BMPR1B: variants seen among roughly 807,000 people sequenced by gnomAD.
The protein encoded by BMPR1B is bone morphogenetic protein receptor type 1B.
BMPR1B carries 12 observed loss-of-function variants against 59.1 expected under a neutral mutation model. The observed-to-expected ratio is 0.20, with a 90% CI of 0.13 to 0.33. BMPR1B has a LOEUF of 0.33. Ranked by LOEUF, BMPR1B falls within the 10% of genes least tolerant of loss-of-function variation. The probability of loss-of-function intolerance (pLI) is 1.00; values close to 1 mark genes in which losing one functional copy is unlikely to be tolerated. For missense variants in BMPR1B, 550 were observed against 610.9 expected, an observed-to-expected ratio of 0.90 and a Z score of 1.05; for synonymous variants, 237 against 207.3, an observed-to-expected ratio of 1.14 and a Z score of -1.23.
intron 3 of BMPR1B, among the ~76,000 whole-genome samples, chr4:95,068,191 G>A (rs537928115): frequency 1.0e-3 from 122 of 118,992 alleles, no homozygotes; most frequent in African/African-American, 3.2e-3. Flanking sequence ...GTGTAGATCC[G>A]TGGCTGGCTC....
At chr4:94,777,845 A>T (rs957776078) in intron 1 of BMPR1B, among the ~76,000 whole-genome samples, 2 of 151,852 alleles carry the variant, frequency 1.3e-5, no homozygotes, top group Non-Finnish European at 2.9e-5. Flanking sequence ...GGCCAACATG[A>T]TGAAACCCTG....
chr4:94,809,741 T>G lies in BMPR1B; in HGVS notation c.-183+51673T>G, dbSNP rs7658799. On this transcript the variant is annotated intron_variant, in intron 1 of 12. Transcript: ENST00000515059. ...AAACAATGGACAAGAATTTGAAGGA[T>G]TCAGCATACCAGTTAGCTTTCTACA... 7.5e-3 allele frequency among the ~76,000 whole-genome samples: 1,137 copies of G among 152,350 alleles called. 17 individuals are homozygous for G. The highest frequency in any genetic ancestry group is 0.026 in the African/African-American group (1,089 of 41,586).
chr4:94,837,921 G>T (rs1224652125), intron 1 of BMPR1B, among the ~76,000 whole-genome samples: 1 of 133,394 alleles, frequency 7.5e-6, no homozygotes, highest in Non-Finnish European at 1.6e-5. Flanking sequence ...TTATTATTTT[G>T]AAATATGTCC....
chr4:94,855,503 A>G (rs1725722518), intron 1 of BMPR1B, among the ~76,000 whole-genome samples: 1 of 152,214 alleles, frequency 6.6e-6, no homozygotes, highest in Admixed American at 6.5e-5. Context: ...ACCTTCAGAA[A>G]AGCTCTTCCC....
chr4:95,035,458 C>T (rs754532233), intron 3 of BMPR1B, among the ~76,000 whole-genome samples: 3 of 151,918 alleles, frequency 2.0e-5, no homozygotes, highest in African/African-American at 4.8e-5. Flanking sequence ...TTTTTGTGTA[C>T]GATGAGAGGT....
intron 1 of BMPR1B, among the ~76,000 whole-genome samples, chr4:94,798,677 G>A (rs1723283785): frequency 6.6e-6 from 1 of 152,164 alleles, no homozygotes; most frequent in Non-Finnish European, 1.5e-5. Context: ...GGTGACATCT[G>A]CCAGTCAGGC....
chr4:95,009,340 A>G (rs1221433244), intron 3 of BMPR1B, among the ~76,000 whole-genome samples: 1 of 152,208 alleles, frequency 6.6e-6, no homozygotes, highest in African/African-American at 2.4e-5. Context: ...AGTAGTATAC[A>G]TAGTAGGGAA....
intron 2 of BMPR1B, among the ~76,000 whole-genome samples, chr4:94,911,780 T>C (rs1728282490): frequency 6.6e-6 from 1 of 152,144 alleles, no homozygotes; most frequent in Non-Finnish European, 1.5e-5. Context: ...TTGTTAGTAA[T>C]GGTGGCTCCC....
intron 3 of BMPR1B, among the ~76,000 whole-genome samples, chr4:95,064,823 A>G (rs1028458510): frequency 2.0e-5 from 3 of 152,186 alleles, no homozygotes; most frequent in African/African-American, 7.2e-5. Context: ...TCAAAAACAC[A>G]ATATACCACT....
chr4:95,024,228 T>G (rs1724196685), intron 3 of BMPR1B, among the ~76,000 whole-genome samples: 1 of 152,220 alleles, frequency 6.6e-6, no homozygotes, highest in South Asian at 2.1e-4. Flanking sequence ...ATTAAAGAAG[T>G]GACTTTAACT....
At chr4:94,831,311 A>G (rs1352315614) in intron 1 of BMPR1B, among the ~76,000 whole-genome samples, 6 of 147,820 alleles carry the variant, frequency 4.1e-5, no homozygotes, top group Admixed American at 4.0e-4. Context: ...ATAGCTGTAC[A>G]ATGTGTTTGT....
intron 3 of BMPR1B, among the ~76,000 whole-genome samples, chr4:95,076,124 C>T (rs1354396669): frequency 1.3e-5 from 2 of 152,028 alleles, no homozygotes; most frequent in Non-Finnish European, 2.9e-5. Flanking sequence ...CCCAAGAGTC[C>T]TAACTTGACT....
At chr4:95,044,776 G>A (rs1444146053) in intron 3 of BMPR1B, among the ~76,000 whole-genome samples, 3 of 152,162 alleles carry the variant, frequency 2.0e-5, no homozygotes, top group Non-Finnish European at 4.4e-5. Context: ...AGAACGGGGT[G>A]GGGAGGCAGG....
intron 2 of BMPR1B, among the ~76,000 whole-genome samples, chr4:94,968,720 C>T (rs1436947873): frequency 6.6e-6 from 1 of 152,246 alleles, no homozygotes; most frequent in East Asian, 1.9e-4. Context: ...CATACTGACT[C>T]AATGAGAATT....
chr4:94,868,435 T>C (rs1726343555), intron 1 of BMPR1B, among the ~76,000 whole-genome samples: 1 of 152,202 alleles, frequency 6.6e-6, no homozygotes, highest in Admixed American at 6.5e-5. Context: ...CCTCCCAAAG[T>C]GCTGAGATTA....
At chr4:94,987,697 T>G (rs374924962) in intron 2 of BMPR1B, among the ~76,000 whole-genome samples, 4 of 152,166 alleles carry the variant, frequency 2.6e-5, no homozygotes, top group African/African-American at 9.6e-5. Context: ...TGACCCCCCC[T>G]CGAAAGATAC....
chr4:94,815,065 G>A (rs569506026), intron 1 of BMPR1B, among the ~76,000 whole-genome samples: 3 of 152,040 alleles, frequency 2.0e-5, no homozygotes, highest in South Asian at 2.1e-4. Flanking sequence ...CACCACGCCC[G>A]GCTAATTTTT....
chr4:95,117,786 T>TA (rs1008111588), intron 6 of BMPR1B, among the ~76,000 whole-genome samples: 1 of 152,032 alleles, frequency 6.6e-6, no homozygotes, highest in Non-Finnish European at 1.5e-5. Flanking sequence ...ACACTCTTTC[T>TA]AAAAAAATCT....
intron 3 of BMPR1B, among the ~76,000 whole-genome samples, chr4:95,011,415 C>G (rs1310899788): frequency 2.6e-5 from 4 of 152,124 alleles, no homozygotes; most frequent in Non-Finnish European, 5.9e-5. Flanking sequence ...GCTCAGGGAC[C>G]TAGTATCTCT....
Sources: gnomAD v4.1 joint callset for allele counts (sites outside exome capture counted in the v4.1 genomes callset) on GRCh38, gnomAD v4.1.1 for gene constraint, MANE v1.5 for transcripts, NCBI Gene and HGNC (gene_info 2026-07-23, HGNC 2026-07-21) for gene names.